The following TESC variants were observed in gnomAD, a reference collection of about 807,000 sequenced individuals.
TESC encodes tescalcin.
A neutral mutation model predicts 31.0 loss-of-function variants in TESC; 19 were observed. That is an observed-to-expected ratio of 0.61 (90% CI 0.43 to 0.90). TESC has a LOEUF of 0.90. Ranked by LOEUF, TESC falls within the 40% of genes least tolerant of loss-of-function variation. The pLI, the probability that TESC is intolerant of heterozygous loss-of-function variation, is 0.00. For missense variants in TESC, 248 were observed against 303.8 expected, an observed-to-expected ratio of 0.82 and a Z score of 1.36; for synonymous variants, 109 against 114.8, an observed-to-expected ratio of 0.95 and a Z score of 0.32.
At chr12:117,048,041 G>C (rs1380147340) in intron 4 of TESC, among the ~76,000 whole-genome samples, 1 of 152,158 alleles carries the variant, frequency 6.6e-6, no homozygotes, top group Non-Finnish European at 1.5e-5. Flanking sequence ...ACTGAGCCCA[G>C]CTGGCATTTA....
At chr12:117,084,682 G>A (rs577326207) in intron 1 of TESC, among the ~76,000 whole-genome samples, 76 of 152,216 alleles carry the variant, frequency 5.0e-4, no homozygotes, top group Non-Finnish European at 8.1e-4. Flanking sequence ...AGGAGCAGAG[G>A]AGCAGGCCTG....
chr12:117,070,127 G>A (rs1954945937), intron 2 of TESC, among the ~76,000 whole-genome samples: 1 of 152,254 alleles, frequency 6.6e-6, no homozygotes, highest in Non-Finnish European at 1.5e-5. Flanking sequence ...CCCAGGGCCT[G>A]TTGGACAGCT....
intron 1 of TESC, among the ~76,000 whole-genome samples, chr12:117,086,494 C>T (rs1025208734): frequency 2.6e-5 from 4 of 152,234 alleles, no homozygotes; most frequent in Non-Finnish European, 1.5e-5. Flanking sequence ...TGCAGTGGCA[C>T]GATCACAGCT....
Position 117,099,311 on chromosome 12 carries a change from G to C in TESC, c.-29C>G, listed in dbSNP as rs960195542. 3.5e-6 allele frequency: 5 copies of C among 1,421,088 alleles called. No homozygotes were observed. Among genetic ancestry groups the C allele is most frequent in the Non-Finnish European group, 3.7e-6 (4 of 1,092,988 alleles). The allele number at this position is 1,421,088 out of a possible 1,614,324, so 88.0% of individuals were successfully genotyped here. A position where few individuals can be genotyped will look rare whatever the true frequency, so the allele number is the denominator to read the frequency against. On this transcript the variant is annotated 5_prime_UTR_variant, in exon 1 of 8. Coordinates refer to ENST00000335209, the MANE Select transcript of TESC (RefSeq NM_017899.4). Reference sequence around the variant, plus strand: ...GCCCGCGGCGGGGGCCCCGGGGCGCGCGTCCCTCTCAGGCCCCGCACTGGC... The same window carrying C: ...GCCCGCGGCGGGGGCCCCGGGGCGCCCGTCCCTCTCAGGCCCCGCACTGGC...
At chr12:117,075,944 TATATAC>T (rs1408865500) in intron 1 of TESC, among the ~76,000 whole-genome samples, 7 of 114,266 alleles carry the variant, frequency 6.1e-5, no homozygotes, top group African/African-American at 1.2e-4. Context: ...TATATATGTA[TATATAC>T]ATATATATAT....
In TESC at chr12:117,053,516, G is replaced by A. The variant is rs7135497; in HGVS notation, c.209+3290C>T. On this transcript the variant is annotated intron_variant, in intron 3 of 7. Transcript: ENST00000335209. ...TGACAACTGACAGCCAAGTGACCTTGGGTCAAGTTTTTTTTTAAGGAATAA... is the reference window on the plus strand; with the variant it reads ...TGACAACTGACAGCCAAGTGACCTTAGGTCAAGTTTTTTTTTAAGGAATAA... 9.7e-3 allele frequency among the ~76,000 whole-genome samples: 1,467 copies of A among 151,672 alleles called. 28 individuals are homozygous for A. Among genetic ancestry groups the A allele is most frequent in the African/African-American group, 0.034 (1,396 of 41,516 alleles).
At chr12:117,061,609 C>T (rs373625672) in intron 2 of TESC, among the ~76,000 whole-genome samples, 1 of 152,092 alleles carries the variant, frequency 6.6e-6, no homozygotes, top group East Asian at 1.9e-4. Context: ...GCTTCACAAC[C>T]CCCAGTGGGT....
At chr12:117,092,988 G>C (rs1955334058) in intron 1 of TESC, among the ~76,000 whole-genome samples, 1 of 151,876 alleles carries the variant, frequency 6.6e-6, no homozygotes, top group Admixed American at 6.5e-5. Flanking sequence ...AGATGCCAGG[G>C]GAAAAGCCAC....
intron 2 of TESC, among the ~76,000 whole-genome samples, chr12:117,058,535 A>G (rs1954760812): frequency 6.8e-6 from 1 of 147,080 alleles, no homozygotes; most frequent in Non-Finnish European, 1.5e-5. Context: ...GCTAAGTTGT[A>G]TTATGTAAAT....
chr12:117,071,097 G>A (rs1483383114), intron 2 of TESC, among the ~76,000 whole-genome samples: 1 of 152,240 alleles, frequency 6.6e-6, no homozygotes, highest in Non-Finnish European at 1.5e-5. Flanking sequence ...TCTTTCACCT[G>A]GATTACATCA....
intron 2 of TESC, among the ~76,000 whole-genome samples, chr12:117,064,259 C>T (rs187307810): frequency 3.9e-5 from 6 of 152,342 alleles, no homozygotes; most frequent in Admixed American, 1.3e-4. Context: ...AACTGCTGGC[C>T]TCTTAATCTC....
At chr12:117,096,521 A>G (rs1218454029) in intron 1 of TESC, among the ~76,000 whole-genome samples, 2 of 152,116 alleles carry the variant, frequency 1.3e-5, no homozygotes, top group African/African-American at 4.8e-5. Flanking sequence ...AGGTGGGACC[A>G]AGACTCAACT....
At chr12:117,040,002 G>A (rs7978721) in intron 7 of TESC, among the ~76,000 whole-genome samples, 8,101 of 152,302 alleles carry the variant, frequency 0.053, 529 homozygotes, top group East Asian at 0.27. Flanking sequence ...ACGGAGGGAC[G>A]TGGTGGGCGG....
chr12:117,071,805 G>A (rs1053802809), intron 2 of TESC, among the ~76,000 whole-genome samples: 4 of 152,174 alleles, frequency 2.6e-5, no homozygotes, highest in Admixed American at 2.6e-4. Context: ...CATCAGCACA[G>A]AGAGGCCGCG....
chr12:117,046,849 A>G lies in TESC; in HGVS notation c.350-11T>C, dbSNP rs1319617806. The G allele has an allele frequency of 6.4e-7, 1 of 1,561,430 alleles. No homozygotes were observed. The highest frequency in any genetic ancestry group is 1.4e-5 in the African/African-American group (1 of 73,936). On this transcript the variant is annotated splice_polypyrimidine_tract_variant and intron_variant, in intron 4 of 7. Transcript: ENST00000335209. ...ACATGTGGAACAGAACTAGGGTGGCAGGGGAGAGAGGGGACTCCGTCAGGC... is the reference window on the plus strand; with the variant it reads ...ACATGTGGAACAGAACTAGGGTGGCGGGGGAGAGAGGGGACTCCGTCAGGC...
At chr12:117,071,025 C>T (rs188040027) in intron 2 of TESC, among the ~76,000 whole-genome samples, 2 of 152,258 alleles carry the variant, frequency 1.3e-5, no homozygotes, top group East Asian at 1.9e-4. Context: ...ACATAAAACA[C>T]GTTCAAATAA....
At chr12:117,045,262 C>T (rs1290812925) in intron 6 of TESC, among the ~76,000 whole-genome samples, 5 of 152,362 alleles carry the variant, frequency 3.3e-5, no homozygotes, top group Admixed American at 1.3e-4. Context: ...GGGTACGCCC[C>T]GGAGCCCGGC....
chr12:117,084,340 G>A (rs1371950844), intron 1 of TESC, among the ~76,000 whole-genome samples: 2 of 152,176 alleles, frequency 1.3e-5, no homozygotes, highest in South Asian at 4.1e-4. Flanking sequence ...AGTGAGAGAA[G>A]GGGCCCGTGC....
intron 3 of TESC, among the ~76,000 whole-genome samples, chr12:117,056,109 C>T (rs1314450743): frequency 1.3e-5 from 2 of 152,066 alleles, no homozygotes; most frequent in Non-Finnish European, 2.9e-5. Flanking sequence ...TTAGCAGAGA[C>T]AGGGTTTCAC....
Sources: gnomAD v4.1 joint callset for allele counts (sites outside exome capture counted in the v4.1 genomes callset) on GRCh38, gnomAD v4.1.1 for gene constraint, MANE v1.5 for transcripts, NCBI Gene and HGNC (gene_info 2026-07-23, HGNC 2026-07-21) for gene names.